The following GGA1 variants were observed in gnomAD, a reference collection of about 807,000 sequenced individuals.
GGA1 encodes the protein golgi associated, gamma adaptin ear containing, ARF binding protein 1.
Under a neutral mutation model 76.9 loss-of-function variants are expected in GGA1, and 18 were observed. The ratio of observed to expected loss-of-function variants is 0.23; its 90% CI spans 0.16 to 0.35. The LOEUF is 0.35. Ranked by LOEUF, GGA1 falls within the 10% of genes least tolerant of loss-of-function variation. GGA1 has a pLI of 1.00. For missense variants in GGA1, 755 were observed against 859.0 expected, an observed-to-expected ratio of 0.88 and a Z score of 1.51; for synonymous variants, 342 against 354.7, an observed-to-expected ratio of 0.96 and a Z score of 0.40.
At chr22:37,630,358 C>CTCACAGAGCACAGTTTA in intron 13 of GGA1, 188 bp downstream of exon 13, 1 of 543,078 alleles carries the variant, frequency 1.8e-6, no homozygotes, top group African/African-American at 2.5e-5. Flanking sequence ...CCTGGGCCCA[C>CTCACAGAGCACAGTTTA]TGGCCTGGCC....
intron 2 of GGA1, among the ~76,000 whole-genome samples, chr22:37,614,777 G>A (rs1262835974): frequency 6.6e-6 from 1 of 151,844 alleles, no homozygotes; most frequent in African/African-American, 2.4e-5. Flanking sequence ...TCAGGAGTTT[G>A]AGACCAGCGT....
intron 11 of GGA1, among the ~76,000 whole-genome samples, chr22:37,627,857 G>T: frequency 6.6e-6 from 1 of 152,318 alleles, no homozygotes; most frequent in African/African-American, 2.4e-5. Context: ...CACTCTTCAC[G>T]GCAGGGGTGG....
At chr22:37,617,736 A>AT (rs1929078962) in intron 3 of GGA1, 11 of 847,290 alleles carry the variant, frequency 1.3e-5, no homozygotes, top group Middle Eastern at 6.1e-4. Context: ...TTGTTTTAAC[A>AT]TTTTTTTCTC....
chr22:37,622,023 T>G (rs116220421), intron 7 of GGA1, among the ~76,000 whole-genome samples: 1 of 151,208 alleles, frequency 6.6e-6, no homozygotes, highest in Non-Finnish European at 1.5e-5. Context: ...TTTAAAATTA[T>G]TTTTTAGTAT....
intron 7 of GGA1, among the ~76,000 whole-genome samples, chr22:37,622,070 G>A (rs1316205457): frequency 2.6e-5 from 4 of 151,040 alleles, no homozygotes; most frequent in African/African-American, 7.4e-5. Context: ...GTATGTATAC[G>A]TGTATGTATA....
At position 37,624,118 on chromosome 22, in the gene GGA1, C is replaced by T. The variant is rs1420309008; in HGVS notation, c.832+485C>T. 1 of 166,482 alleles carries T rather than the reference C, an allele frequency of 6.0e-6. No individual in the cohort carries two copies. Among genetic ancestry groups the T allele is most frequent in the Non-Finnish European group, 1.3e-5 (1 of 75,140 alleles). The allele number at this position is 166,482 out of a possible 1,614,324, so 10.3% of individuals were successfully genotyped here. On this transcript the variant is annotated intron_variant, in intron 9 of 16. Coordinates refer to ENST00000343632, the MANE Select transcript of GGA1 (RefSeq NM_013365.5). The surrounding 1 kb of genome is among the most constrained non-coding windows in gnomAD (Gnocchi z 4.3). ...GGTTCTTTTCCTTGATCTCTGCCCA[C>T]GTGTCAGCCTGGGCCACTTGGGCTG...
intron 12 of GGA1, 49 bp downstream of exon 12, chr22:37,629,575 G>A: frequency 8.4e-7 from 1 of 1,187,742 alleles, no homozygotes; most frequent in Non-Finnish European, 1.2e-6. Context: ...CCCAGGGTCA[G>A]GGCAGCTGGG....
intron 3 of GGA1, chr22:37,617,781 C>A: frequency 1.1e-6 from 1 of 947,026 alleles, no homozygotes; most frequent in Non-Finnish European, 1.3e-6. Flanking sequence ...ATAGATGTAG[C>A]TTAGGATAAG....
Position 37,616,514 on chromosome 22 carries a change from G to A in GGA1, c.129-408G>A, listed in dbSNP as rs560676517. 5.3e-5 allele frequency among the ~76,000 whole-genome samples: 8 copies of A among 152,266 alleles called. No individual in the cohort carries two copies. The East Asian group carries it at 7.7e-4, about 15-fold the overall frequency. On this transcript the variant is annotated intron_variant, in intron 2 of 16. Transcript: ENST00000343632. Reference sequence around the variant, plus strand: ...CTGCTCTGATTTGCCACAGCAGAACGTCCTTTGCCACCTTGAGTTCCCAGG... The same window carrying A: ...CTGCTCTGATTTGCCACAGCAGAACATCCTTTGCCACCTTGAGTTCCCAGG...
At position 37,625,229 on chromosome 22, in the gene GGA1, G is replaced by A. The variant is rs1930602647; in HGVS notation, c.940+153G>A. 6.6e-6 allele frequency among the ~76,000 whole-genome samples: 1 copy of A among 152,128 alleles called. No homozygotes were observed. Among genetic ancestry groups the A allele is most frequent in the Non-Finnish European group, 1.5e-5 (1 of 68,024 alleles). ...GGAAGGCCCCAGGGAGGGAGCTGGG[G>A]GTGAAGTCTGTGCCAAGCCTGCAGC... On this transcript the variant is annotated intron_variant, in intron 10 of 16. Transcript: ENST00000343632. This position sits in a 1 kb window ranked among gnomAD's most constrained non-coding sequence, Gnocchi z 4.1.
Position 37,618,487 on chromosome 22 carries a change from C to T in GGA1, c.244C>T (p.His82Tyr). 6.2e-7 allele frequency: 1 copy of T among 1,613,708 alleles called. No individual in the cohort carries two copies. The highest frequency in any genetic ancestry group is 8.5e-7 in the Non-Finnish European group (1 of 1,179,632). Residue 82 changes from histidine (H) to tyrosine (Y), a missense_variant, in exon 4 of 17, where the codon CAC becomes TAC. His to Tyr is a moderately conservative substitution (Grantham distance 83). Coordinates refer to ENST00000343632, the MANE Select transcript of GGA1 (RefSeq NM_013365.5). ...TCMKSCGKRF[H>Y]DEVGKFRFLN... ...CATGAAGAGCTGCGGCAAGCGGTTC[C>T]ACGACGAAGTGGGCAAGTTCCGCTT...
At position 37,621,662 on chromosome 22, in the gene GGA1, C is replaced by T; in HGVS notation, c.575C>T (p.Ala192Val). Residue 192 changes from alanine (A) to valine (V), a missense_variant, in exon 7 of 17, where the codon GCA becomes GTA. Physicochemically the swap from Ala to Val is moderately conservative, Grantham distance 64. Transcript: ENST00000343632. ...LKSSHPEDLRAANKLIKEMVQ... is the reference protein window; with the variant it reads ...LKSSHPEDLRVANKLIKEMVQ... ...AGCTCCCATCCCGAAGACCTCCGCG[C>T]AGCCAATAAGCTCATCAAAGAGATG... is the stretch of plus-strand genomic sequence containing the variant. 1.3e-6 allele frequency: 2 copies of T among 1,555,822 alleles called. No homozygotes were observed. Among genetic ancestry groups the T allele is most frequent in the Admixed American group, 1.9e-5 (1 of 51,328 alleles).
Position 37,624,608 on chromosome 22 carries a change from T to G in GGA1, c.833-361T>G. On this transcript the variant is annotated intron_variant, in intron 9 of 16. Transcript: ENST00000343632. The surrounding 1 kb of genome is among the most constrained non-coding windows in gnomAD (Gnocchi z 4.3). ...AAGGGATGAGGTGGTGCAGGAGGGA[T>G]TTAGGACAGGCCTCCCTGAGGTGAG... 1.4e-5 allele frequency: 3 copies of G among 215,958 alleles called. No homozygotes were observed. The highest frequency in any genetic ancestry group is 7.0e-5 in the South Asian group (1 of 14,248). The allele number at this position is 215,958 out of a possible 1,614,324, so 13.4% of individuals were successfully genotyped here.
intron 11 of GGA1, among the ~76,000 whole-genome samples, chr22:37,628,168 G>A (rs1931185200): frequency 6.6e-6 from 1 of 152,122 alleles, no homozygotes; most frequent in African/African-American, 2.4e-5. Flanking sequence ...TATTGCTCAG[G>A]CTGGTCTCAA....
At chr22:37,619,441 C>T (rs183293404) in intron 4 of GGA1, among the ~76,000 whole-genome samples, 2 of 149,550 alleles carry the variant, frequency 1.3e-5, no homozygotes, top group Non-Finnish European at 3.0e-5. Flanking sequence ...TGCAATGGCG[C>T]GATCTCAGCT....
Position 37,623,847 on chromosome 22 carries a change from GGCATCTTATTTACTACCC to G in GGA1, c.832+218_832+235del. 1.4e-5 allele frequency: 8 copies of G among 552,078 alleles called. No individual in the cohort carries two copies. The South Asian group carries it at 1.6e-4, about 11-fold the overall frequency. 34.2% of individuals were successfully genotyped at this position (552,078 alleles called of 1,614,324 possible). On this transcript the variant is annotated intron_variant, in intron 9 of 16. Transcript: ENST00000343632. This position sits in a 1 kb window ranked among gnomAD's most constrained non-coding sequence, Gnocchi z 4.6. ...GCCCTGTGGGCCAGCCCCCTTAACA[GGCATCTTATTTACTACCC>G]GCAGCTGCACAGGAGGCAGACCCAT...
chr22:37,627,579 C>T (rs907806826), intron 11 of GGA1, among the ~76,000 whole-genome samples: 4 of 152,198 alleles, frequency 2.6e-5, no homozygotes, highest in Non-Finnish European at 5.9e-5. Flanking sequence ...CCCTGGGTGG[C>T]AGCTACCTGA....
At chr22:37,621,418 G>T (rs1454024930) in intron 6 of GGA1, among the ~76,000 whole-genome samples, 198 bp from the exon 7 acceptor site, 1 of 152,206 alleles carries the variant, frequency 6.6e-6, no homozygotes, top group Non-Finnish European at 1.5e-5. Context: ...AGGCGCTGTG[G>T]TGTGCACTTT....
chr22:37,624,788 T>C lies in GGA1; in HGVS notation c.833-181T>C. 4.0e-6 allele frequency: 3 copies of C among 745,670 alleles called. No homozygotes were observed. Among genetic ancestry groups the C allele is most frequent in the South Asian group, 1.8e-5 (1 of 57,120 alleles). The allele number at this position is 745,670 out of a possible 1,614,324, so 46.2% of individuals were successfully genotyped here. On this transcript the variant is annotated intron_variant, in intron 9 of 16. Transcript: ENST00000343632. This position sits in a 1 kb window ranked among gnomAD's most constrained non-coding sequence, Gnocchi z 4.3. ...TGGCAGGGAGTGAATGAGGGAAGGG[T>C]GGGAGGTGAGACCAGGGAGGTGGCG...
Sources: gnomAD v4.1 joint callset for allele counts (sites outside exome capture counted in the v4.1 genomes callset) on GRCh38, gnomAD v4.1.1 for gene constraint, Gnocchi (gnomAD v3.1) non-coding constraint, MANE v1.5 for transcripts, NCBI Gene and HGNC (gene_info 2026-07-23, HGNC 2026-07-21) for gene names.